The following ELMO1 variants were observed in gnomAD, a reference collection of about 807,000 sequenced individuals.
The protein encoded by ELMO1 is engulfment and cell motility 1.
A neutral mutation model predicts 98.9 loss-of-function variants in ELMO1; 26 were observed. That is an observed-to-expected ratio of 0.26 (90% CI 0.19 to 0.36). ELMO1 has a LOEUF of 0.36. Among genes scored for constraint, ELMO1 ranks in the 10% least tolerant of loss-of-function variants. The pLI is 1.00. For missense variants in ELMO1, 627 were observed against 935.2 expected (o/e 0.67, Z 4.30); for synonymous variants, 346 against 346.0 (o/e 1.00, Z 0.00).
intron 15 of ELMO1, among the ~76,000 whole-genome samples, chr7:37,062,896 C>T (rs1796742636): frequency 6.6e-6 from 1 of 152,124 alleles, no homozygotes; most frequent in South Asian, 2.1e-4. Flanking sequence ...AGGCTACTTT[C>T]CAGGAAAAGA....
chr7:36,949,444 C>T (rs190565521), intron 16 of ELMO1, among the ~76,000 whole-genome samples: 140 of 151,822 alleles, frequency 9.2e-4, no homozygotes, highest in African/African-American at 3.1e-3. Flanking sequence ...CTGAAGAGCC[C>T]CCTTCTCAAT....
intron 14 of ELMO1, among the ~76,000 whole-genome samples, chr7:37,099,724 T>C (rs57980610): frequency 0.091 from 13,809 of 152,226 alleles, 684 homozygotes; most frequent in Middle Eastern, 0.22. Context: ...TTCCAACAAG[T>C]CCATCCATTA....
chr7:37,128,191 T>C (rs1184704520), intron 14 of ELMO1, among the ~76,000 whole-genome samples: 2 of 151,084 alleles, frequency 1.3e-5, no homozygotes, highest in Non-Finnish European at 2.9e-5. Flanking sequence ...AGACTGTATC[T>C]TAAACAAACA....
At chr7:36,982,619 G>T (rs1008331525) in intron 16 of ELMO1, among the ~76,000 whole-genome samples, 3 of 152,158 alleles carry the variant, frequency 2.0e-5, no homozygotes, top group Non-Finnish European at 4.4e-5. Flanking sequence ...TACTAGGCAA[G>T]CATAGCCAAG....
chr7:37,333,956 T>C (rs556544164), intron 2 of ELMO1, among the ~76,000 whole-genome samples: 1 of 152,298 alleles, frequency 6.6e-6, no homozygotes, highest in African/African-American at 2.4e-5. Flanking sequence ...TTTAAAGGAC[T>C]CACTAAAAGT....
intron 16 of ELMO1, among the ~76,000 whole-genome samples, chr7:36,916,541 C>G (rs1784703548): frequency 1.3e-5 from 2 of 152,200 alleles, no homozygotes; most frequent in Admixed American, 6.5e-5. Flanking sequence ...ATTAAGTAGT[C>G]TAGTTTTTTA....
intron 2 of ELMO1, among the ~76,000 whole-genome samples, chr7:37,340,591 A>G (rs893315921): frequency 6.6e-6 from 1 of 152,212 alleles, no homozygotes; most frequent in African/African-American, 2.4e-5. Context: ...AATGTGATGT[A>G]CCAATGTCAA....
intron 13 of ELMO1, chr7:37,204,272 A>G (rs1167304969): frequency 2.2e-6 from 1 of 453,578 alleles, no homozygotes; most frequent in Non-Finnish European, 4.4e-6. Context: ...TGGTGTGTCC[A>G]GAGTTTGTTC....
At chr7:37,374,215 T>C (rs1212947173) in intron 1 of ELMO1, among the ~76,000 whole-genome samples, 1 of 152,134 alleles carries the variant, frequency 6.6e-6, no homozygotes, top group Non-Finnish European at 1.5e-5. Context: ...TGCCAGTGAG[T>C]CCTAGCTGAA....
intron 16 of ELMO1, among the ~76,000 whole-genome samples, chr7:36,935,042 G>A (rs190130151): frequency 6.0e-4 from 92 of 152,278 alleles, no homozygotes; most frequent in Admixed American, 5.4e-3. Flanking sequence ...CTTTGATATG[G>A]TTTGGCTGTG....
chr7:37,385,468 A>T (rs1328834969), intron 1 of ELMO1, among the ~76,000 whole-genome samples: 1 of 152,264 alleles, frequency 6.6e-6, no homozygotes. Context: ...GTTTCCATTC[A>T]AATGTCACCT....
At chr7:37,401,955 G>C (rs1803555975) in intron 1 of ELMO1, among the ~76,000 whole-genome samples, 2 of 152,168 alleles carry the variant, frequency 1.3e-5, no homozygotes, top group Admixed American at 1.3e-4. Flanking sequence ...ATCACAGATA[G>C]CTCCTTTGTC....
At chr7:37,140,255 A>G (rs1389717164) in intron 13 of ELMO1, among the ~76,000 whole-genome samples, 2 of 151,512 alleles carry the variant, frequency 1.3e-5, no homozygotes, top group East Asian at 3.9e-4. Context: ...GCGTGGTGGC[A>G]GGCGCCTATA....
chr7:37,097,646 G>A (rs570887490), intron 14 of ELMO1, among the ~76,000 whole-genome samples: 1 of 151,534 alleles, frequency 6.6e-6, no homozygotes, highest in Non-Finnish European at 1.5e-5. Context: ...AAAAATGAAT[G>A]AATGAAAGAA....
chr7:37,245,304 T>C (rs1379633365), intron 6 of ELMO1, among the ~76,000 whole-genome samples: 1 of 152,158 alleles, frequency 6.6e-6, no homozygotes. Flanking sequence ...TTCTAGCTGC[T>C]TGAGGGCTAG....
At chr7:37,141,781 G>A (rs1323560048) in intron 13 of ELMO1, among the ~76,000 whole-genome samples, 1 of 131,838 alleles carries the variant, frequency 7.6e-6, no homozygotes, top group Admixed American at 8.0e-5. Context: ...CTTTGGTGCT[G>A]GAAGGCCTTT....
chr7:37,423,311 G>A (rs903086435), intron 1 of ELMO1, among the ~76,000 whole-genome samples: 47 of 152,174 alleles, frequency 3.1e-4, no homozygotes, highest in Admixed American at 1.8e-3. Context: ...CGGGCGTGGT[G>A]GCTTACACCT....
intron 14 of ELMO1, among the ~76,000 whole-genome samples, chr7:37,123,101 C>T (rs1380748230): frequency 6.6e-6 from 1 of 151,760 alleles, no homozygotes; most frequent in African/African-American, 2.4e-5. Context: ...AACAAAGACA[C>T]AACATACCAG....
At chr7:37,030,102 TTCTC>T (rs903415017) in intron 15 of ELMO1, among the ~76,000 whole-genome samples, 3 of 152,044 alleles carry the variant, frequency 2.0e-5, no homozygotes, top group African/African-American at 7.2e-5. Context: ...GCGGCCATCT[TTCTC>T]TCTCTCTCTT....
Sources: allele counts gnomAD v4.1 joint callset (sites outside exome capture counted in the v4.1 genomes callset), GRCh38; gene constraint gnomAD v4.1.1; transcripts MANE v1.5; gene names NCBI Gene and HGNC (gene_info 2026-07-23, HGNC 2026-07-21).